FRYL: variants seen among roughly 807,000 people sequenced by gnomAD.
FRYL encodes protein furry homolog-like.
In FRYL, 150 loss-of-function variants were observed where a neutral mutation model predicts 351.2. The observed-to-expected ratio is 0.43, with a 90% CI of 0.37 to 0.49. The LOEUF (loss-of-function observed/expected upper bound fraction) is 0.49, where lower values mean the gene tolerates loss of function less well. FRYL is among the 20% of genes least tolerant of loss of function. FRYL has a pLI of 0.00. For synonymous variants in FRYL, 1,153 were observed against 1,257.1 expected (o/e 0.92, Z 1.75); for missense variants, 3,036 against 3,619.3 (o/e 0.84, Z 4.13).
At chr4:48,643,025 C>T (rs1209632406) in intron 3 of FRYL, among the ~76,000 whole-genome samples, 1 of 152,070 alleles carries the variant, frequency 6.6e-6, no homozygotes, top group Non-Finnish European at 1.5e-5. Flanking sequence ...TTTTTGTTCT[C>T]CACTCTTCCC....
chr4:48,605,373 G>T (rs1746561704), intron 11 of FRYL, among the ~76,000 whole-genome samples: 1 of 152,078 alleles, frequency 6.6e-6, no homozygotes, highest in Non-Finnish European at 1.5e-5. Flanking sequence ...TGAATTCAAT[G>T]TTTAAAAATG....
chr4:48,557,894 A>T (rs1734478333), intron 33 of FRYL, among the ~76,000 whole-genome samples, 182 bp from the exon 34 acceptor site: 1 of 152,256 alleles, frequency 6.6e-6, no homozygotes, highest in Non-Finnish European at 1.5e-5. Flanking sequence ...TTAACAGCTA[A>T]CATAAATCAC....
intron 3 of FRYL, among the ~76,000 whole-genome samples, chr4:48,656,307 T>TA (rs1758964558): frequency 9.6e-4 from 4 of 4,164 alleles, no homozygotes; most frequent in South Asian, 0.012. Flanking sequence ...GTATATTATA[T>TA]TATATATTAC....
chr4:48,611,654 C>T (rs1441571231), intron 7 of FRYL, among the ~76,000 whole-genome samples: 5 of 152,092 alleles, frequency 3.3e-5, no homozygotes, highest in Non-Finnish European at 5.9e-5. Context: ...TCTAGAGTCA[C>T]CTTTTCAAGT....
At chr4:48,577,254 T>C (rs1359290284) in intron 23 of FRYL, among the ~76,000 whole-genome samples, 9 of 152,224 alleles carry the variant, frequency 5.9e-5, no homozygotes, top group Admixed American at 5.9e-4. Flanking sequence ...ATAAAATATT[T>C]TGAAACAATT....
At chr4:48,605,447 G>C (rs1746583988) in intron 11 of FRYL, among the ~76,000 whole-genome samples, 1 of 152,038 alleles carries the variant, frequency 6.6e-6, no homozygotes, top group Non-Finnish European at 1.5e-5. Context: ...ATTTTAATTA[G>C]AATAAAATCT....
chr4:48,526,421 C>A (rs1195317314), intron 53 of FRYL, among the ~76,000 whole-genome samples: 1 of 152,160 alleles, frequency 6.6e-6, no homozygotes, highest in Non-Finnish European at 1.5e-5. Context: ...CTATTCTATT[C>A]ACTAGAGTGG....
chr4:48,603,064 A>C (rs1461242408), intron 12 of FRYL, among the ~76,000 whole-genome samples: 1 of 152,240 alleles, frequency 6.6e-6, no homozygotes, highest in Non-Finnish European at 1.5e-5. Flanking sequence ...ATGACTACCT[A>C]GAAGGAAGTC....
intron 3 of FRYL, among the ~76,000 whole-genome samples, chr4:48,678,672 TC>T (rs1764164171): frequency 6.6e-6 from 1 of 152,056 alleles, no homozygotes; most frequent in African/African-American, 2.4e-5. Flanking sequence ...TTTTTTTGCT[TC>T]CCCATCCTCA....
chr4:48,582,104 T>C (rs907756323), intron 20 of FRYL, among the ~76,000 whole-genome samples: 2 of 152,228 alleles, frequency 1.3e-5, no homozygotes, highest in African/African-American at 4.8e-5. Context: ...GATTTGAGCA[T>C]CTTTTATGGT....
chr4:48,617,280 G>A (rs1275995258), intron 7 of FRYL, among the ~76,000 whole-genome samples: 1 of 151,662 alleles, frequency 6.6e-6, no homozygotes, highest in African/African-American at 2.4e-5. Context: ...TGTGAACCAT[G>A]GGTCAGAAAT....
intron 28 of FRYL, 68 bp from the exon 29 acceptor site, chr4:48,565,759 G>A: frequency 7.0e-7 from 1 of 1,421,536 alleles, no homozygotes. Context: ...ATACCAACAT[G>A]TTATTGAATG....
intron 7 of FRYL, among the ~76,000 whole-genome samples, chr4:48,611,278 T>C (rs757131990): frequency 6.6e-6 from 1 of 152,092 alleles, no homozygotes; most frequent in Non-Finnish European, 1.5e-5. Flanking sequence ...TGTTATACTG[T>C]ATTTCCTATT....
chr4:48,703,395 C>T (rs535832513), intron 2 of FRYL, among the ~76,000 whole-genome samples: 1 of 152,316 alleles, frequency 6.6e-6, no homozygotes, highest in African/African-American at 2.4e-5. Flanking sequence ...CTGACTTCTA[C>T]GTGACCCCCT....
intron 1 of FRYL, among the ~76,000 whole-genome samples, chr4:48,744,057 G>T (rs1772407534): frequency 6.6e-6 from 1 of 152,118 alleles, no homozygotes. Context: ...GCATCTAGAT[G>T]AATTTCTGTA....
chr4:48,614,889 C>T (rs1262477393), intron 7 of FRYL, among the ~76,000 whole-genome samples: 2 of 138,258 alleles, frequency 1.4e-5, no homozygotes, highest in African/African-American at 2.7e-5. Flanking sequence ...TGCAGTGGCG[C>T]GATCTCGGCT....
chr4:48,564,925 A>G lies in FRYL; in HGVS notation c.3441+8T>C, dbSNP rs201396918. ...ATTATGAACCTTTAAGGAAATTGTC[A>G]TAATTACCTTTTTGTCCAGAGAATC... On this transcript the variant is annotated splice_region_variant and intron_variant, in intron 30 of 63. Coordinates refer to ENST00000358350, the MANE Select transcript of FRYL (RefSeq NM_015030.2). The G allele has an allele frequency of 2.3e-5, 34 of 1,459,402 alleles. No homozygotes were observed. The East Asian group carries it at 7.1e-4, about 30-fold the overall frequency. The allele number at this position is 1,459,402 out of a possible 1,614,324, so 90.4% of individuals were successfully genotyped here. A position where few individuals can be genotyped will look rare whatever the true frequency, so the allele number is the denominator to read the frequency against.
intron 3 of FRYL, among the ~76,000 whole-genome samples, chr4:48,636,127 A>G (rs1754183941): frequency 6.6e-6 from 1 of 152,146 alleles, no homozygotes; most frequent in African/African-American, 2.4e-5. Context: ...AACTCAAAAC[A>G]AAAACTCACA....
At chr4:48,502,331 A>AG (rs1423398578) in intron 61 of FRYL, among the ~76,000 whole-genome samples, 30 of 152,270 alleles carry the variant, frequency 2.0e-4, no homozygotes, top group African/African-American at 6.7e-4. Flanking sequence ...ACTTGAGCTC[A>AG]GGAGTTTGAA....
Sources: allele counts gnomAD v4.1 joint callset (sites outside exome capture counted in the v4.1 genomes callset), GRCh38; gene constraint gnomAD v4.1.1; transcripts MANE v1.5; gene names NCBI Gene and HGNC (gene_info 2026-07-23, HGNC 2026-07-21).